NECTIN4: variants seen among roughly 807,000 people sequenced by gnomAD.
NECTIN4 encodes nectin-4.
A neutral mutation model predicts 51.7 loss-of-function variants in NECTIN4; 19 were observed. That is an observed-to-expected ratio of 0.37 (90% CI 0.26 to 0.54). The LOEUF is 0.54. Among genes scored for constraint, NECTIN4 ranks in the 20% least tolerant of loss-of-function variants. The probability of loss-of-function intolerance (pLI) is 0.86; values close to 1 mark genes in which losing one functional copy is unlikely to be tolerated. For synonymous variants in NECTIN4, 283 were observed against 286.9 expected (o/e 0.99, Z 0.14); for missense variants, 619 against 662.4 (o/e 0.93, Z 0.72).
chr1:161,073,611 T>G lies in NECTIN4; in HGVS notation c.1233+109A>C, dbSNP rs1451723251. On this transcript the variant is annotated intron_variant, in intron 7 of 8. Coordinates refer to ENST00000368012, the MANE Select transcript of NECTIN4 (RefSeq NM_030916.3). ...CCGGCCAACCCCAGCTGTGAGTCAG[T>G]GGCTGACCCAGCAGAGAGCTGTGCT... 1.1e-5 allele frequency: 11 copies of G among 1,032,448 alleles called. No homozygotes were observed. The African/African-American group carries it at 1.7e-4, about 16-fold the overall frequency. 64.0% of individuals were successfully genotyped at this position (1,032,448 alleles called of 1,614,324 possible). A position where few individuals can be genotyped will look rare whatever the true frequency, so the allele number is the denominator to read the frequency against.
intron 7 of NECTIN4, among the ~76,000 whole-genome samples, 187 bp downstream of exon 7, chr1:161,073,533 C>G (rs763577809): frequency 6.6e-5 from 10 of 152,234 alleles, no homozygotes; most frequent in Non-Finnish European, 1.0e-4. Context: ...TGAAGGGGGC[C>G]TTCTGGAGCA....
rs143846956 is a variant in NECTIN4, at chr1:161,074,373, T to A, written c.1001A>T (p.Asp334Val). The A allele has an allele frequency of 6.2e-5, 100 of 1,613,110 alleles. No homozygotes were observed. In the African/African-American group the frequency reaches 1.2e-3, roughly 19 times the overall value. ...RDSQVTVDVL[D>V]PQEDSGKQVD... ...CTGCTTCCCAGAGTCTTCCTGGGGG[T>A]CTGCTGGAGACAGGCCACTGTCTGA... The change falls in exon 6 of 9, where the codon GAC becomes GTC. Residue 334 changes from aspartate (D) to valine (V), a missense_variant and splice_region_variant. Around this residue, in one of 3 missense-constraint regions of NECTIN4, gnomAD observed 364 missense variants for 415.7 expected, o/e 0.88. Coordinates refer to ENST00000368012, the MANE Select transcript of NECTIN4 (RefSeq NM_030916.3).
intron 1 of NECTIN4, among the ~76,000 whole-genome samples, chr1:161,080,800 T>C (rs1653648368): frequency 6.6e-6 from 1 of 152,198 alleles, no homozygotes; most frequent in Admixed American, 6.5e-5. Context: ...ATCAGAGCTA[T>C]CCATCATGTC....
In NECTIN4 at chr1:161,079,699, G is replaced by A. The variant is rs941912387; in HGVS notation, c.330C>T (p.Gly110=). 1.2e-6 allele frequency: 2 copies of A among 1,608,258 alleles called. No individual in the cohort carries two copies. Among genetic ancestry groups the A allele is most frequent in the African/African-American group, 2.7e-5 (2 of 74,934 alleles). The change falls in exon 2 of 9, where the codon GGC becomes GGT. Residue 110 remains glycine (G), a synonymous_variant. Transcript: ENST00000368012. ...QPPPPRNPLD[G]SVLLRNAVQA... is the part of the protein sequence containing the mutation. ...GCACTGCGTTGCGCAGGAGCACTGA[G>A]CCGTCCAGGGGGTTGCGTGGGGGCG...
chr1:161,083,730 C>T (rs569107802), intron 1 of NECTIN4, among the ~76,000 whole-genome samples: 9 of 152,348 alleles, frequency 5.9e-5, no homozygotes, highest in African/African-American at 2.2e-4. Context: ...CAGACGGGAT[C>T]CCTGCCCTTG....
rs756824640 is a variant in NECTIN4 at position 161,073,213 on chromosome 1, C to T, written c.1308+12G>A. ...AGAGTGGTGGGGACACCGGTGGGGC[C>T]GGGGGCCTCACCATCACAGAGCAGC... On this transcript the variant is annotated intron_variant, in intron 8 of 8. Transcript: ENST00000368012. 11 of 1,612,964 alleles carry T rather than the reference C, an allele frequency of 6.8e-6. No individual in the cohort carries two copies. The highest frequency in any genetic ancestry group is 3.3e-5 in the Admixed American group (2 of 60,020).
intron 2 of NECTIN4, among the ~76,000 whole-genome samples, chr1:161,078,298 T>G (rs398089010): frequency 7.3e-5 from 11 of 150,524 alleles, no homozygotes; most frequent in South Asian, 2.1e-4. Flanking sequence ...ATGTATTTAT[T>G]TATTTATTTA....
rs766428845 is a variant in NECTIN4, at chr1:161,073,270, C to T, written c.1263G>A (p.Glu421=). The T allele has an allele frequency of 5.0e-6, 8 of 1,613,996 alleles. No individual in the cohort carries two copies. The highest frequency in any genetic ancestry group is 5.9e-6 in the Non-Finnish European group (7 of 1,179,996). ...QPEESVGLRA[E]GHPDSLKDNS... is the part of the protein sequence containing the mutation. ...TGTCCTTGAGACTATCAGGGTGGCC[C>T]TCGGCTCTCAGCCCTACACTCTCCT... The change falls in exon 8 of 9, where the codon GAG becomes GAA. Residue 421 remains glutamate (E), a synonymous_variant. Coordinates refer to ENST00000368012, the MANE Select transcript of NECTIN4 (RefSeq NM_030916.3).
Position 161,074,204 on chromosome 1 carries a change from G to A in NECTIN4, c.1157+13C>T. ...AGCTTAGTTCTACCCACCCAGGAGT[G>A]CCCAGTACTCACTATTTCTGGGTCA... On this transcript the variant is annotated intron_variant, in intron 6 of 8. Coordinates refer to ENST00000368012, the MANE Select transcript of NECTIN4 (RefSeq NM_030916.3). 6.2e-7 allele frequency: 1 copy of A among 1,613,880 alleles called. No homozygotes were observed. Among genetic ancestry groups the A allele is most frequent in the Non-Finnish European group, 8.5e-7 (1 of 1,179,860 alleles).
chr1:161,075,308 G>A (rs1209173000), intron 4 of NECTIN4, among the ~76,000 whole-genome samples: 1 of 152,218 alleles, frequency 6.6e-6, no homozygotes, highest in Non-Finnish European at 1.5e-5. Flanking sequence ...ATGCCTTGAG[G>A]GAACTGGAGG....
In NECTIN4 at chr1:161,081,703, C is replaced by A. The variant is rs571382782; in HGVS notation, c.80-1754G>T. 2.0e-5 allele frequency among the ~76,000 whole-genome samples: 3 copies of A among 152,104 alleles called. No homozygotes were observed. In the East Asian group the frequency reaches 5.8e-4, roughly 29 times the overall value. On this transcript the variant is annotated intron_variant, in intron 1 of 8. Transcript: ENST00000368012. The stretch of plus-strand genomic sequence containing the variant: ...TGTTGTTCCTCACCTCTGCTCACAC[C>A]GTACCCGCTGCCTGGAATGCCCTCC...
At chr1:161,073,653 G>T in intron 7 of NECTIN4, 67 bp downstream of exon 7, 1 of 1,336,480 alleles carries the variant, frequency 7.5e-7, no homozygotes, top group Non-Finnish European at 1.1e-6. Flanking sequence ...CTGCAGAGGG[G>T]CCCAGGCACA....
At chr1:161,078,748 A>G (rs956247821) in intron 2 of NECTIN4, among the ~76,000 whole-genome samples, 2 of 151,960 alleles carry the variant, frequency 1.3e-5, no homozygotes, top group Non-Finnish European at 2.9e-5. Flanking sequence ...GCGGTGGCTC[A>G]CGCCTGTAAT....
At chr1:161,078,331 T>A (rs536052128) in intron 2 of NECTIN4, among the ~76,000 whole-genome samples, 1 of 152,226 alleles carries the variant, frequency 6.6e-6, no homozygotes, top group African/African-American at 2.4e-5. Context: ...CTTGTGAGAC[T>A]GAGTCTCCGT....
chr1:161,089,368 A>T lies in NECTIN4; in HGVS notation c.-72T>A. 7.2e-7 allele frequency: 1 copy of T among 1,397,860 alleles called. No individual in the cohort carries two copies. Among genetic ancestry groups the T allele is most frequent in the Non-Finnish European group, 1.0e-6 (1 of 998,472 alleles). The allele number at this position is 1,397,860 out of a possible 1,614,324, so 86.6% of individuals were successfully genotyped here. The stretch of plus-strand genomic sequence containing the variant: ...TCCCTGGGAGCCGGCTGCAGACTTG[A>T]ATAAGGAACTGACCCAGAAGGCAGG... On this transcript the variant is annotated 5_prime_UTR_variant, in exon 1 of 9. Coordinates refer to ENST00000368012, the MANE Select transcript of NECTIN4 (RefSeq NM_030916.3). This position sits in a 1 kb window ranked among gnomAD's most constrained non-coding sequence, Gnocchi z 4.1.
chr1:161,071,530 C>T lies in NECTIN4; in HGVS notation c.*1131G>A, dbSNP rs951879209. 3 of 152,184 alleles carry T rather than the reference C, an allele frequency of 2.0e-5. No homozygotes were observed. Among genetic ancestry groups the T allele is most frequent in the Non-Finnish European group, 4.4e-5 (3 of 68,050 alleles). The allele number at this position is 152,184 out of a possible 1,614,324, so 9.4% of individuals were successfully genotyped here. On this transcript the variant is annotated 3_prime_UTR_variant, in exon 9 of 9. Transcript: ENST00000368012. ...ACCACGAGGCTCACATCCCTAATTT[C>T]AGACTCTACCAGCTCTCAGGTGCCC... is the stretch of plus-strand genomic sequence containing the variant.
At chr1:161,075,287 A>G (rs1286290672) in intron 4 of NECTIN4, among the ~76,000 whole-genome samples, 1 of 152,182 alleles carries the variant, frequency 6.6e-6, no homozygotes, top group Non-Finnish European at 1.5e-5. Context: ...GATCTTGGAA[A>G]AAGGCCAAGG....
chr1:161,074,151 A>G (rs1653306861), intron 6 of NECTIN4, 66 bp downstream of exon 6: 1 of 1,601,490 alleles, frequency 6.2e-7, no homozygotes, highest in Admixed American at 1.7e-5. Context: ...GTCCTGGCCC[A>G]CCTCCTGCTA....
chr1:161,085,836 T>C (rs2101678956), intron 1 of NECTIN4, among the ~76,000 whole-genome samples: 1 of 151,774 alleles, frequency 6.6e-6, no homozygotes, highest in East Asian at 1.9e-4. Context: ...ACAGGTATAC[T>C]ACCATGCCTG....
Sources: gnomAD v4.1 joint callset for allele counts (sites outside exome capture counted in the v4.1 genomes callset) on GRCh38, gnomAD v4.1.1 for gene constraint, gnomAD v4.1.1 regional missense constraint, Gnocchi (gnomAD v3.1) non-coding constraint, MANE v1.5 for transcripts, NCBI Gene and HGNC (gene_info 2026-07-23, HGNC 2026-07-21) for gene names.